The following RBFOX1 variants were observed in gnomAD, a reference collection of about 807,000 sequenced individuals.
RBFOX1 encodes RNA binding protein fox-1 homolog 1.
A neutral mutation model predicts 57.7 loss-of-function variants in RBFOX1; 8 were observed. The observed-to-expected ratio is 0.14, with a 90% CI of 0.08 to 0.25. The LOEUF is 0.25. Among genes scored for constraint, RBFOX1 ranks in the 10% least tolerant of loss-of-function variants. The pLI is 1.00. For missense variants in RBFOX1, 611 were observed against 548.5 expected (o/e 1.11, Z -1.14); for synonymous variants, 326 against 222.4 (o/e 1.47, Z -4.15).
rs560168628 is a variant in RBFOX1 at position 5,259,853 on chromosome 16, C to G, written c.219+19748C>G. Among the ~76,000 whole-genome samples the G allele has an allele frequency of 1.1e-4, 17 of 152,188 alleles. No homozygotes were observed. The East Asian group carries it at 3.1e-3, about 28-fold the overall frequency. On this transcript the variant is annotated intron_variant, in intron 1 of 2. Coordinates refer to the RBFOX1 transcript ENST00000585867. ...AAGTTTTCACTCCTGTTTAACACCA[C>G]GTGGGGGCCATTCTGACTTCTGCGG...
intron 2 of RBFOX1, among the ~76,000 whole-genome samples, chr16:6,602,261 T>C (rs1056015170): frequency 1.3e-5 from 2 of 152,226 alleles, no homozygotes; most frequent in African/African-American, 4.8e-5. Context: ...TCTCTCCCAT[T>C]CAGTGGGTTG....
chr16:6,874,257 C>A, intron 3 of RBFOX1, among the ~76,000 whole-genome samples: 1 of 152,074 alleles, frequency 6.6e-6, no homozygotes, highest in East Asian at 1.9e-4. Context: ...CACTTGTAAT[C>A]CCAGCACTTC....
At chr16:7,043,532 G>A (rs2046880383) in intron 3 of RBFOX1, among the ~76,000 whole-genome samples, 2 of 152,172 alleles carry the variant, frequency 1.3e-5, no homozygotes, top group South Asian at 4.1e-4. Flanking sequence ...TGTTTCAGAA[G>A]AGTTTATAAT....
chr16:7,166,998 T>TTTTTTTTTTG (rs1299655327), intron 4 of RBFOX1, among the ~76,000 whole-genome samples: 2 of 64,770 alleles, frequency 3.1e-5, no homozygotes, highest in African/African-American at 4.7e-5. Flanking sequence ...TTTTTTTTTT[T>TTTTTTTTTTG]TTTTTTTTTG....
At chr16:7,189,553 A>AG (rs57865669) in intron 4 of RBFOX1, among the ~76,000 whole-genome samples, 2 of 130,232 alleles carry the variant, frequency 1.5e-5, no homozygotes, top group African/African-American at 6.5e-5. Context: ...ATGTCCCCCA[A>AG]AACACACACA....
At chr16:5,820,131 G>C (rs1044835387) in intron 3 of RBFOX1, among the ~76,000 whole-genome samples, 4 of 152,220 alleles carry the variant, frequency 2.6e-5, no homozygotes, top group Admixed American at 6.5e-5. Context: ...CCTCTAGGAA[G>C]TGGTTGTTGC....
At chr16:6,919,897 C>G (rs778063565) in intron 3 of RBFOX1, among the ~76,000 whole-genome samples, 2 of 150,792 alleles carry the variant, frequency 1.3e-5, no homozygotes, top group Non-Finnish European at 2.9e-5. Flanking sequence ...GAGCAGTGTA[C>G]ACTGTACCCA....
intron 3 of RBFOX1, among the ~76,000 whole-genome samples, chr16:6,932,183 A>C (rs1413086518): frequency 1.3e-5 from 2 of 152,122 alleles, no homozygotes; most frequent in Admixed American, 6.6e-5. Flanking sequence ...GGCTCACTGC[A>C]ACCTCCACCT....
At chr16:7,006,319 T>C (rs1459744645) in intron 3 of RBFOX1, among the ~76,000 whole-genome samples, 2 of 152,070 alleles carry the variant, frequency 1.3e-5, no homozygotes, top group African/African-American at 4.8e-5. Context: ...TATACCCAGC[T>C]AATTTTTGTA....
chr16:5,723,181 T>G (rs1455018670), intron 3 of RBFOX1, among the ~76,000 whole-genome samples: 1 of 152,194 alleles, frequency 6.6e-6, no homozygotes, highest in East Asian at 1.9e-4. Flanking sequence ...ATCTGTAACA[T>G]GGGAGAATCA....
intron 1 of RBFOX1, among the ~76,000 whole-genome samples, chr16:5,412,896 C>A (rs888834646): frequency 6.6e-6 from 1 of 152,160 alleles, no homozygotes; most frequent in South Asian, 2.1e-4. Flanking sequence ...AATTCCCCAG[C>A]GAGAGGCGCC....
At chr16:7,206,682 G>C (rs2090045484) in intron 4 of RBFOX1, among the ~76,000 whole-genome samples, 1 of 152,032 alleles carries the variant, frequency 6.6e-6, no homozygotes, top group Non-Finnish European at 1.5e-5. Context: ...CTGAAGTCCT[G>C]ACAAGCACAG....
intron 1 of RBFOX1, among the ~76,000 whole-genome samples, chr16:6,151,918 G>A (rs1445710247): frequency 1.3e-5 from 2 of 152,166 alleles, no homozygotes; most frequent in Non-Finnish European, 2.9e-5. Flanking sequence ...TGGTATAGAA[G>A]TTACTTGCTT....
chr16:5,717,322 A>G (rs1220793618), intron 3 of RBFOX1, among the ~76,000 whole-genome samples: 2 of 152,036 alleles, frequency 1.3e-5, no homozygotes, highest in Non-Finnish European at 2.9e-5. Flanking sequence ...CAATAAGGCC[A>G]TCTATCTTTT....
At chr16:7,297,109 G>A (rs2095910282) in intron 4 of RBFOX1, among the ~76,000 whole-genome samples, 2 of 152,174 alleles carry the variant, frequency 1.3e-5, no homozygotes, top group African/African-American at 4.8e-5. Flanking sequence ...GGTCAAGGGA[G>A]AAGACACTGT....
intron 3 of RBFOX1, among the ~76,000 whole-genome samples, chr16:5,658,054 C>A (rs987899543): frequency 6.6e-6 from 1 of 152,082 alleles, no homozygotes; most frequent in African/African-American, 2.4e-5. Context: ...TTCTTGATAC[C>A]ATTTCGTGAT....
intron 4 of RBFOX1, among the ~76,000 whole-genome samples, chr16:7,392,742 T>C (rs182859899): frequency 1.9e-4 from 29 of 152,298 alleles, no homozygotes; most frequent in Middle Eastern, 3.4e-3. Flanking sequence ...GTTTTGGCTA[T>C]TGGTCATTGC....
intron 2 of RBFOX1, among the ~76,000 whole-genome samples, chr16:5,496,356 C>T (rs957703218): frequency 1.3e-5 from 2 of 152,138 alleles, no homozygotes; most frequent in Non-Finnish European, 2.9e-5. Flanking sequence ...CCTCCCTTAG[C>T]CCTCCTGTAC....
At chr16:6,483,452 G>A in intron 2 of RBFOX1, 3 of 1,535,694 alleles carry the variant, frequency 2.0e-6, no homozygotes, top group Non-Finnish European at 2.6e-6. Context: ...GACTTCTCCC[G>A]TGCTGTGTTT....
Sources: allele counts gnomAD v4.1 joint callset (sites outside exome capture counted in the v4.1 genomes callset), GRCh38; gene constraint gnomAD v4.1.1; transcripts MANE v1.5; gene names NCBI Gene and HGNC (gene_info 2026-07-23, HGNC 2026-07-21).